MORN5: variants seen among roughly 807,000 people sequenced by gnomAD.
The protein encoded by MORN5 is MORN repeat containing 5.
Under a neutral mutation model 22.1 loss-of-function variants are expected in MORN5, and 21 were observed. The ratio of observed to expected loss-of-function variants is 0.95; its 90% CI spans 0.67 to 1.37. The LOEUF is 1.37. Ranked by LOEUF, MORN5 falls within the 40% of genes most tolerant of loss-of-function variation. The probability of loss-of-function intolerance (pLI) is 0.00; values close to 1 mark genes in which losing one functional copy is unlikely to be tolerated. For missense variants in MORN5, 211 were observed against 215.1 expected (o/e 0.98, Z 0.12); for synonymous variants, 73 against 74.0 (o/e 0.99, Z 0.07).
rs542191342 is a variant in MORN5, at chr9:122,180,238, G to A, written c.439+5611G>A. Among the ~76,000 whole-genome samples, 4 of 150,592 alleles carry A rather than the reference G, an allele frequency of 2.7e-5. No individual in the cohort carries two copies. The South Asian group carries it at 8.4e-4, about 32-fold the overall frequency. Reference sequence around the variant, plus strand: ...AGGATACACACAGGTGCACACGTGTGATGTATGTATCTTTGTACATGCAAC... The same window carrying A: ...AGGATACACACAGGTGCACACGTGTAATGTATGTATCTTTGTACATGCAAC... On this transcript the variant is annotated intron_variant, in intron 4 of 4. Coordinates refer to ENST00000373764, the MANE Select transcript of MORN5 (RefSeq NM_198469.4).
chr9:122,172,331 T>G (rs1303411517), intron 3 of MORN5, among the ~76,000 whole-genome samples: 1 of 126,338 alleles, frequency 7.9e-6, no homozygotes, highest in Non-Finnish European at 1.6e-5. Flanking sequence ...CCCTATACCC[T>G]CAAGATAAGG....
intron 1 of MORN5, among the ~76,000 whole-genome samples, chr9:122,163,247 T>A (rs191235967): frequency 3.3e-4 from 50 of 152,318 alleles, no homozygotes; most frequent in African/African-American, 1.1e-3. Flanking sequence ...TTTGCCTGCA[T>A]CTTCTCTTCA....
intron 4 of MORN5, among the ~76,000 whole-genome samples, chr9:122,188,236 G>A (rs950238227): frequency 1.3e-5 from 2 of 152,178 alleles, no homozygotes; most frequent in Non-Finnish European, 2.9e-5. Context: ...AGTGGGTAGC[G>A]GTCAAGGCTG....
Position 122,166,867 on chromosome 9 carries a change from C to A in MORN5, c.147C>A (p.Pro49=). The part of the protein sequence containing the change: ...MFHGEGTLYF[P]SGSQYDAIWE... ...ACGGCGAGGGAACCCTGTACTTCCC[C>A]AGCGGAAGCCAATACGACGCCATTT... Residue 49 remains proline, a synonymous_variant, in exon 2 of 5, where the codon CCC becomes CCA. Transcript: ENST00000373764. The A allele has an allele frequency of 6.2e-7, 1 of 1,613,940 alleles. No homozygotes were observed. Among genetic ancestry groups the A allele is most frequent in the East Asian group, 2.2e-5 (1 of 44,862 alleles).
At chr9:122,196,288 G>T in intron 4 of MORN5, among the ~76,000 whole-genome samples, 1 of 150,194 alleles carries the variant, frequency 6.7e-6, no homozygotes, top group East Asian at 2.0e-4. Flanking sequence ...AACAAAATGC[G>T]TGAAATTACC....
At chr9:122,199,318 G>A (rs965430522) in intron 4 of MORN5, among the ~76,000 whole-genome samples, 3 of 152,276 alleles carry the variant, frequency 2.0e-5, no homozygotes, top group East Asian at 1.9e-4. Flanking sequence ...GGTTGGTCAC[G>A]AAGATTAAAC....
chr9:122,176,188 A>T (rs1308311229), intron 4 of MORN5, among the ~76,000 whole-genome samples: 2 of 151,404 alleles, frequency 1.3e-5, no homozygotes, highest in African/African-American at 4.8e-5. Context: ...TGGAGCTAAG[A>T]TGCCCGTAAC....
At chr9:122,199,702 C>T (rs1177037360) in intron 4 of MORN5, among the ~76,000 whole-genome samples, 183 bp from the exon 5 acceptor site, 1 of 152,162 alleles carries the variant, frequency 6.6e-6, no homozygotes, top group East Asian at 1.9e-4. Context: ...GTTCAATTTC[C>T]CCAAGACCAG....
Position 122,160,008 on chromosome 9 carries a change from T to C in MORN5, c.36T>C (p.Tyr12=). 1.2e-6 allele frequency: 2 copies of C among 1,613,780 alleles called. No homozygotes were observed. Among genetic ancestry groups the C allele is most frequent in the Non-Finnish European group, 8.5e-7 (1 of 1,179,914 alleles). Reference sequence around the variant, plus strand: ...CAGGGAGCAAATATATCGGGGAATATGTAGATGGGAGGTAAGGGGCTCATT... The same window carrying C: ...CAGGGAGCAAATATATCGGGGAATACGTAGATGGGAGGTAAGGGGCTCATT... ...EYTGSKYIGE[Y]VDGRMEGKAK... The change falls in exon 1 of 5, where the codon TAT becomes TAC. Residue 12 remains tyrosine, a synonymous_variant. Coordinates refer to ENST00000373764, the MANE Select transcript of MORN5 (RefSeq NM_198469.4).
intron 3 of MORN5, among the ~76,000 whole-genome samples, chr9:122,173,277 C>T (rs912088277): frequency 5.3e-5 from 8 of 152,356 alleles, no homozygotes; most frequent in African/African-American, 1.9e-4. Context: ...GTTAGGGCAA[C>T]TCGCCCTGCC....
At chr9:122,192,452 A>G (rs897880518) in intron 4 of MORN5, among the ~76,000 whole-genome samples, 1 of 152,178 alleles carries the variant, frequency 6.6e-6, no homozygotes, top group African/African-American at 2.4e-5. Flanking sequence ...ATCATGCCAC[A>G]CTGCCCCCTC....
intron 3 of MORN5, among the ~76,000 whole-genome samples, chr9:122,171,467 T>C (rs1829365389): frequency 6.6e-6 from 1 of 152,160 alleles, no homozygotes; most frequent in Non-Finnish European, 1.5e-5. Flanking sequence ...CTCTCTGGCT[T>C]AGGCATTTTC....
In MORN5 at chr9:122,196,335, A is replaced by ATT. The variant is rs35655121; in HGVS notation, c.440-3534_440-3533dup. Among the ~76,000 whole-genome samples, 87 of 136,438 alleles carry ATT rather than the reference A, an allele frequency of 6.4e-4. 1 individual carries two copies. Among genetic ancestry groups the ATT allele is most frequent in the African/African-American group, 1.3e-3 (47 of 35,030 alleles). 89.5% of individuals were successfully genotyped at this position (136,438 alleles called of 152,430 possible). ...TTGGAGGGTAGGAAAAAAGCCAATA[A>ATT]TTTTTTTTTTTTTTTTTGAGACAGA... On this transcript the variant is annotated intron_variant, in intron 4 of 4. Transcript: ENST00000373764.
intron 4 of MORN5, among the ~76,000 whole-genome samples, chr9:122,190,559 C>T (rs528743731): frequency 1.1e-4 from 16 of 152,316 alleles, no homozygotes; most frequent in Non-Finnish European, 2.1e-4. Flanking sequence ...CTGTTTAGAG[C>T]CAATCATCTT....
At chr9:122,179,969 T>A (rs1426802965) in intron 4 of MORN5, among the ~76,000 whole-genome samples, 1 of 152,266 alleles carries the variant, frequency 6.6e-6, no homozygotes, top group Non-Finnish European at 1.5e-5. Context: ...ACTGCTATTA[T>A]GAAGCATATA....
intron 4 of MORN5, among the ~76,000 whole-genome samples, chr9:122,178,851 C>G (rs1829493272): frequency 6.6e-6 from 1 of 152,128 alleles, no homozygotes; most frequent in African/African-American, 2.4e-5. Context: ...CAAGAGGTGT[C>G]CTGGAGAACT....
At chr9:122,178,659 A>G (rs1829490394) in intron 4 of MORN5, among the ~76,000 whole-genome samples, 1 of 152,182 alleles carries the variant, frequency 6.6e-6, no homozygotes, top group Non-Finnish European at 1.5e-5. Flanking sequence ...TCCTTCTTCC[A>G]TTATTCATCC....
At chr9:122,176,876 T>G (rs932133327) in intron 4 of MORN5, among the ~76,000 whole-genome samples, 15 of 152,176 alleles carry the variant, frequency 9.9e-5, no homozygotes, top group Non-Finnish European at 2.2e-4. Flanking sequence ...ATTCTCCATC[T>G]CAAAAAATAA....
intron 4 of MORN5, among the ~76,000 whole-genome samples, chr9:122,183,028 C>A (rs1177811309): frequency 2.0e-5 from 3 of 152,186 alleles, no homozygotes; most frequent in Non-Finnish European, 4.4e-5. Flanking sequence ...AGTTGTTCCC[C>A]CACCAAGCAC....
Sources: allele counts gnomAD v4.1 joint callset (sites outside exome capture counted in the v4.1 genomes callset), GRCh38; gene constraint gnomAD v4.1.1; transcripts MANE v1.5; gene names NCBI Gene and HGNC (gene_info 2026-07-23, HGNC 2026-07-21).